CELF4: variants seen among roughly 807,000 people sequenced by gnomAD.
CELF4 encodes CUGBP Elav-like family member 4.
In CELF4, 18 loss-of-function variants were observed where a neutral mutation model predicts 59.9. That is an observed-to-expected ratio of 0.30 (90% confidence interval 0.21 to 0.45). The LOEUF is 0.45. Ranked by LOEUF, CELF4 falls within the 20% of genes least tolerant of loss-of-function variation. The pLI is 1.00. For missense variants in CELF4, 456 were observed against 689.0 expected (o/e 0.66, Z 3.79); for synonymous variants, 261 against 267.1 (o/e 0.98, Z 0.22).
intron 1 of CELF4, among the ~76,000 whole-genome samples, chr18:37,540,942 G>C (rs2099977353): frequency 6.6e-6 from 1 of 151,784 alleles, no homozygotes; most frequent in African/African-American, 2.4e-5. Flanking sequence ...GAGGTGGAGT[G>C]GGGGCATGGG....
intron 2 of CELF4, among the ~76,000 whole-genome samples, chr18:37,378,467 T>G (rs2098997678): frequency 6.6e-6 from 1 of 152,162 alleles, no homozygotes; most frequent in African/African-American, 2.4e-5. Context: ...TAATGGATTT[T>G]AAAATGCCCC....
chr18:37,472,411 A>T (rs1338276923), intron 2 of CELF4, among the ~76,000 whole-genome samples: 1 of 152,158 alleles, frequency 6.6e-6, no homozygotes, highest in African/African-American at 2.4e-5. Flanking sequence ...GGGGCCGGGG[A>T]TGGATCAGAA....
chr18:37,446,831 A>G (rs4799926), intron 2 of CELF4, among the ~76,000 whole-genome samples: 88,115 of 151,864 alleles, frequency 0.58, 26,571 homozygotes, highest in East Asian at 0.83. Flanking sequence ...TGGGCAGCAC[A>G]ATTAAGTCAG....
At chr18:37,463,722 C>T (rs1160002546) in intron 2 of CELF4, among the ~76,000 whole-genome samples, 2 of 152,154 alleles carry the variant, frequency 1.3e-5, no homozygotes, top group Non-Finnish European at 2.9e-5. Flanking sequence ...TGTCACTGCT[C>T]CTCTCCAGCC....
At position 37,429,315 on chromosome 18, in the gene CELF4, T is replaced by C. The variant is rs113856211; in HGVS notation, c.369+56210A>G. Among the ~76,000 whole-genome samples the C allele has an allele frequency of 1.2e-3, 178 of 152,202 alleles. 1 individual carries two copies. The highest frequency in any genetic ancestry group is 4.1e-3 in the African/African-American group (172 of 41,504). ...GAAGGTGCATGTGTAAGTCTGTGTG[T>C]GTGTGTGTTGGGGAGCATGTGTATG... On this transcript the variant is annotated intron_variant, in intron 2 of 12. Coordinates refer to ENST00000420428, the MANE Select transcript of CELF4 (RefSeq NM_020180.4).
At chr18:37,307,617 G>A (rs1603431386) in intron 3 of CELF4, among the ~76,000 whole-genome samples, 1 of 152,078 alleles carries the variant, frequency 6.6e-6, no homozygotes, top group East Asian at 1.9e-4. Flanking sequence ...GTGGGGAGAC[G>A]ACAGAGGGGG....
At chr18:37,297,694 G>T (rs1207540530) in intron 3 of CELF4, among the ~76,000 whole-genome samples, 1 of 152,220 alleles carries the variant, frequency 6.6e-6, no homozygotes, top group Non-Finnish European at 1.5e-5. Flanking sequence ...CCCTTTCCAG[G>T]CAGGGTCCCC....
At chr18:37,435,125 A>G (rs1274556984) in intron 2 of CELF4, among the ~76,000 whole-genome samples, 2 of 152,002 alleles carry the variant, frequency 1.3e-5, no homozygotes, top group Non-Finnish European at 2.9e-5. Flanking sequence ...GGGAAAGGTG[A>G]TCCTTGCCAC....
At chr18:37,353,560 G>A (rs2098504240) in intron 2 of CELF4, among the ~76,000 whole-genome samples, 1 of 150,932 alleles carries the variant, frequency 6.6e-6, no homozygotes, top group Non-Finnish European at 1.5e-5. Flanking sequence ...TCAGCAAGCA[G>A]GAGAGACCAG....
intron 3 of CELF4, among the ~76,000 whole-genome samples, chr18:37,309,649 G>A (rs1317831324): frequency 1.1e-4 from 17 of 152,096 alleles, no homozygotes; most frequent in African/African-American, 3.9e-4. Flanking sequence ...AGGATGAGAA[G>A]AGACGACGTC....
intron 3 of CELF4, among the ~76,000 whole-genome samples, chr18:37,278,238 A>G (rs1355257221): frequency 6.6e-6 from 1 of 152,116 alleles, no homozygotes; most frequent in East Asian, 1.9e-4. Flanking sequence ...GGATTTCCCC[A>G]GGGAAACTAT....
chr18:37,479,252 G>A (rs1398192238), intron 2 of CELF4, among the ~76,000 whole-genome samples: 1 of 152,202 alleles, frequency 6.6e-6, no homozygotes, highest in Non-Finnish European at 1.5e-5. Flanking sequence ...AACACTCTAA[G>A]GACCTTTGGG....
At chr18:37,337,366 C>G (rs1162549581) in intron 2 of CELF4, among the ~76,000 whole-genome samples, 1 of 152,160 alleles carries the variant, frequency 6.6e-6, no homozygotes, top group African/African-American at 2.4e-5. Context: ...GGCCTGGCCT[C>G]AATACTGCCC....
chr18:37,317,860 C>A (rs183320269), intron 3 of CELF4, among the ~76,000 whole-genome samples: 140 of 152,298 alleles, frequency 9.2e-4, no homozygotes, highest in African/African-American at 3.3e-3. Flanking sequence ...TCCCTAGACA[C>A]CCCCACACCT....
chr18:37,265,914 A>C lies in CELF4; in HGVS notation c.1165+619T>G, dbSNP rs376468305. Among the ~76,000 whole-genome samples the C allele has an allele frequency of 2.0e-4, 30 of 152,248 alleles. No individual in the cohort carries two copies. The East Asian group carries it at 4.8e-3, about 25-fold the overall frequency. On this transcript the variant is annotated intron_variant, in intron 9 of 12. Coordinates refer to ENST00000420428, the MANE Select transcript of CELF4 (RefSeq NM_020180.4). ...ATGATGATGGGGTGCTGTGTAGTCC[A>C]GGGGTGACAGAAAGAGAGAAGCCTG...
chr18:37,358,239 T>G (rs1031457580), intron 2 of CELF4, among the ~76,000 whole-genome samples: 7 of 152,158 alleles, frequency 4.6e-5, no homozygotes, highest in African/African-American at 1.4e-4. Context: ...GGGCAAGTCA[T>G]TCCTGTGCTG....
At position 37,349,949 on chromosome 18, in the gene CELF4, G is replaced by A. The variant is rs149791881; in HGVS notation, c.370-28068C>T. ...ATGGGTGAGGGGAGAGGCAAGCGGT[G>A]GCCCCTCGATCACATGCGACGTGAC... On this transcript the variant is annotated intron_variant, in intron 2 of 12. Coordinates refer to ENST00000420428, the MANE Select transcript of CELF4 (RefSeq NM_020180.4). Among the ~76,000 whole-genome samples the A allele has an allele frequency of 5.9e-3, 902 of 152,274 alleles. 3 individuals carry two copies. Among genetic ancestry groups the A allele is most frequent in the African/African-American group, 0.014 (569 of 41,534 alleles).
intron 2 of CELF4, among the ~76,000 whole-genome samples, chr18:37,411,100 G>A (rs2099448302): frequency 6.6e-6 from 1 of 151,668 alleles, no homozygotes; most frequent in South Asian, 2.1e-4. Flanking sequence ...GGGACTACAG[G>A]TGTGTGCCAC....
intron 3 of CELF4, among the ~76,000 whole-genome samples, chr18:37,303,110 C>G (rs541935538): frequency 1.2e-4 from 18 of 152,288 alleles, no homozygotes; most frequent in African/African-American, 4.3e-4. Flanking sequence ...TACCATTGTT[C>G]TCAGCACTTC....
Sources: allele counts gnomAD v4.1 joint callset (sites outside exome capture counted in the v4.1 genomes callset), GRCh38; gene constraint gnomAD v4.1.1; transcripts MANE v1.5; gene names NCBI Gene and HGNC (gene_info 2026-07-23, HGNC 2026-07-21).